Variants in ZNF644 observed in about 807,000 individuals in gnomAD.
The protein encoded by ZNF644 is zinc finger motif enhancer binding protein 2.
In ZNF644, 20 loss-of-function variants were observed where a neutral mutation model predicts 108.0. That is an observed-to-expected ratio of 0.19 (90% CI 0.13 to 0.27). The LOEUF (loss-of-function observed/expected upper bound fraction) is 0.27, where lower values mean the gene tolerates loss of function less well. ZNF644 is among the 10% of genes least tolerant of loss of function. ZNF644 has a pLI of 1.00. For missense variants in ZNF644, 1,338 were observed against 1,548.9 expected, an observed-to-expected ratio of 0.86 and a Z score of 2.29; for synonymous variants, 542 against 539.1, an observed-to-expected ratio of 1.01 and a Z score of -0.08.
intron 1 of ZNF644, among the ~76,000 whole-genome samples, chr1:90,998,391 A>G (rs1241074707): frequency 6.6e-6 from 1 of 152,208 alleles, no homozygotes; most frequent in East Asian, 1.9e-4. Flanking sequence ...GTTCAGCAAT[A>G]TTTGCTGCTC....
chr1:90,957,708 T>G (rs1653889962), intron 2 of ZNF644, among the ~76,000 whole-genome samples: 1 of 151,984 alleles, frequency 6.6e-6, no homozygotes, highest in Non-Finnish European at 1.5e-5. Context: ...TCCCCTAATA[T>G]CAGTAAAGAG....
Position 90,939,155 on chromosome 1 carries a change from C to T in ZNF644, c.2199G>A (p.Lys733=). 1.2e-6 allele frequency: 2 copies of T among 1,613,702 alleles called. No individual in the cohort carries two copies. The highest frequency in any genetic ancestry group is 1.1e-5 in the South Asian group (1 of 91,068). ...HQAAKEKSNA[K]ANSHYLYRHK... ...GTCTATACAAATAGTGGCTATTTGC[C>T]TTGGCATTAGACTTTTCTTTTGCTG... is the stretch of plus-strand genomic sequence containing the variant. The change falls in exon 3 of 6, where the codon AAG becomes AAA. Residue 733 remains lysine, a synonymous_variant. Transcript: ENST00000337393.
intron 2 of ZNF644, among the ~76,000 whole-genome samples, chr1:90,957,566 C>A (rs1653875937): frequency 6.6e-6 from 1 of 152,032 alleles, no homozygotes; most frequent in African/African-American, 2.4e-5. Context: ...AAGCATTTGA[C>A]AAAATTCAAC....
chr1:90,972,958 G>A lies in ZNF644; in HGVS notation c.44+9352C>T, dbSNP rs185978242. 8.5e-5 allele frequency: 13 copies of A among 152,230 alleles called. No homozygotes were observed. In the East Asian group the frequency reaches 1.7e-3, roughly 20 times the overall value. The allele number at this position is 152,230 out of a possible 1,614,324, so 9.4% of individuals were successfully genotyped here. A position where few individuals can be genotyped will look rare whatever the true frequency, so the allele number is the denominator to read the frequency against. ...CCAGGACCTCAGGAGCAGGAGAAAC[G>A]GAGGAATTGTTGTTTAATGGGTACA... is the stretch of plus-strand genomic sequence containing the variant. On this transcript the variant is annotated intron_variant, in intron 2 of 5. Transcript: ENST00000337393.
At position 90,937,779 on chromosome 1, in the gene ZNF644, G is replaced by T; in HGVS notation, c.3394C>A (p.Leu1132Ile). The change falls in exon 4 of 6, where the codon CTA (leucine) becomes ATA (isoleucine). Residue 1132 changes from leucine to isoleucine, a missense_variant. Coordinates refer to ENST00000337393, the MANE Select transcript of ZNF644 (RefSeq NM_201269.3). ...VIPLEAYRNG[L>I]KTEALSVSAS... ...GACACTGACAGAGCTTCAGTCTTTA[G>T]GCCATTACGGTATGCTTCAAGAGGT... is the stretch of plus-strand genomic sequence containing the variant. The T allele has an allele frequency of 6.2e-7, 1 of 1,613,838 alleles. No homozygotes were observed. Among genetic ancestry groups the T allele is most frequent in the South Asian group, 1.1e-5 (1 of 91,078 alleles).
In ZNF644 at chr1:90,941,005, T is replaced by G; in HGVS notation, c.349A>C (p.Asn117His). 1.2e-6 allele frequency: 2 copies of G among 1,614,026 alleles called. No homozygotes were observed. The highest frequency in any genetic ancestry group is 1.7e-6 in the Non-Finnish European group (2 of 1,179,948). Residue 117 changes from asparagine (N) to histidine (H), a missense_variant, in exon 3 of 6, where the codon AAT (asparagine) becomes CAT (histidine). This residue lies in a region of ZNF644 where 464 missense variants were observed against 457.9 expected (regional missense o/e 1.01). Transcript: ENST00000337393. ...NFILPKGAAV[N>H]GPVSHSSLTK... ...AAGGAGGAGTGTGAAACTGGTCCAT[T>G]AACAGCAGCTCCTTTAGGCAAGATA...
chr1:90,982,484 TTGATA>T (rs1656651914), intron 1 of ZNF644, 114 bp from the exon 2 acceptor site: 2 of 716,496 alleles, frequency 2.8e-6, no homozygotes, highest in Non-Finnish European at 4.8e-6. Flanking sequence ...ATTATATTTC[TTGATA>T]TAACATAAAA....
At chr1:90,929,919 G>A (rs1324030290) in intron 4 of ZNF644, among the ~76,000 whole-genome samples, 1 of 152,204 alleles carries the variant, frequency 6.6e-6, no homozygotes, top group Non-Finnish European at 1.5e-5. Flanking sequence ...CATCAGAAAA[G>A]TCAAATAATT....
intron 2 of ZNF644, among the ~76,000 whole-genome samples, chr1:90,966,747 C>CAA (rs67549954): frequency 0.032 from 2,359 of 73,612 alleles, 94 homozygotes; most frequent in African/African-American, 0.098. Flanking sequence ...GACTCAGTCT[C>CAA]AAAAAAAAAA....
At chr1:90,984,927 G>A (rs1486773234) in intron 1 of ZNF644, among the ~76,000 whole-genome samples, 2 of 152,084 alleles carry the variant, frequency 1.3e-5, no homozygotes, top group Non-Finnish European at 2.9e-5. Context: ...TTGCACAAAC[G>A]ATATAAACAT....
chr1:90,936,414 GA>G, intron 4 of ZNF644, among the ~76,000 whole-genome samples: 1 of 152,184 alleles, frequency 6.6e-6, no homozygotes, highest in Non-Finnish European at 1.5e-5. Context: ...TTATTCGAAA[GA>G]AAAAGCCGGA....
At position 90,950,726 on chromosome 1, in the gene ZNF644, A is replaced by G. The variant is rs189917807; in HGVS notation, c.45-9417T>C. 8.7e-4 allele frequency among the ~76,000 whole-genome samples: 133 copies of G among 152,334 alleles called. 1 individual carries two copies. In the South Asian group the frequency reaches 0.014, roughly 16 times the overall value. Reference sequence around the variant, plus strand: ...AAGAAGAATATAGAAGATTTTAATAACATAATTACTAAGGTTGATCTGAAC... The same window carrying G: ...AAGAAGAATATAGAAGATTTTAATAGCATAATTACTAAGGTTGATCTGAAC... On this transcript the variant is annotated intron_variant, in intron 2 of 5. Transcript: ENST00000337393.
intron 2 of ZNF644, among the ~76,000 whole-genome samples, chr1:90,951,664 TTATAC>T (rs1391974648): frequency 6.6e-6 from 1 of 152,144 alleles, no homozygotes; most frequent in African/African-American, 2.4e-5. Context: ...TCAAATCTAC[TTATAC>T]TAGTTTATCC....
At chr1:90,979,101 A>C (rs1656287387) in intron 2 of ZNF644, among the ~76,000 whole-genome samples, 1 of 152,176 alleles carries the variant, frequency 6.6e-6, no homozygotes, top group South Asian at 2.1e-4. Flanking sequence ...CAACTAGCCA[A>C]ATTTCAAACA....
intron 4 of ZNF644, among the ~76,000 whole-genome samples, chr1:90,935,143 G>A (rs919134004): frequency 1.3e-5 from 2 of 151,826 alleles, no homozygotes; most frequent in Non-Finnish European, 2.9e-5. Flanking sequence ...AAAATAAATG[G>A]GATTAAGGTA....
chr1:90,929,212 A>G (rs1650429939), intron 4 of ZNF644, among the ~76,000 whole-genome samples: 1 of 152,222 alleles, frequency 6.6e-6, no homozygotes, highest in African/African-American at 2.4e-5. Context: ...GCTGCCCTCA[A>G]AAGGAGGCTT....
At chr1:90,965,704 T>C (rs1479127363) in intron 2 of ZNF644, among the ~76,000 whole-genome samples, 1 of 152,212 alleles carries the variant, frequency 6.6e-6, no homozygotes, top group East Asian at 1.9e-4. Context: ...TAATGAGTCA[T>C]ATAGTTCATA....
chr1:91,006,300 G>A (rs908174473), intron 1 of ZNF644, among the ~76,000 whole-genome samples: 8 of 152,172 alleles, frequency 5.3e-5, no homozygotes, highest in Non-Finnish European at 1.2e-4. Context: ...AGCTACTTCA[G>A]AGGCTGAGGC....
Position 91,015,301 on chromosome 1 carries a change from A to G in ZNF644, c.-18+6689T>C, listed in dbSNP as rs571997595. On this transcript the variant is annotated intron_variant, in intron 1 of 5. Coordinates refer to ENST00000337393, the MANE Select transcript of ZNF644 (RefSeq NM_201269.3). ...ACACCATACCAGCACAGACATATAC[A>G]AAACAAAGTGTGGAGAGGAAAAGAG... 4.1e-4 allele frequency among the ~76,000 whole-genome samples: 62 copies of G among 152,304 alleles called. No homozygotes were observed. In the South Asian group the frequency reaches 9.1e-3, roughly 22 times the overall value.
Sources: allele counts gnomAD v4.1 joint callset (sites outside exome capture counted in the v4.1 genomes callset), GRCh38; gene constraint gnomAD v4.1.1; regional missense constraint gnomAD v4.1.1; transcripts MANE v1.5; gene names NCBI Gene and HGNC (gene_info 2026-07-23, HGNC 2026-07-21).